The following FBXW7 variants were observed in gnomAD, a reference collection of about 807,000 sequenced individuals.
FBXW7 encodes the protein F-box and WD repeat domain containing 7.
Under a neutral mutation model 86.3 loss-of-function variants are expected in FBXW7, and 11 were observed. That is an observed-to-expected ratio of 0.13 (90% confidence interval 0.08 to 0.21). The LOEUF (loss-of-function observed/expected upper bound fraction) is 0.21. Among genes scored for constraint, FBXW7 ranks in the 10% least tolerant of loss-of-function variants. The pLI is 1.00. For missense variants in FBXW7, 488 were observed against 847.4 expected (o/e 0.58, Z 5.27); for synonymous variants, 313 against 297.9 (o/e 1.05, Z -0.52).
At chr4:152,500,407 CCAAATGCAAAAG>C (rs1207244993) in intron 2 of FBXW7, among the ~76,000 whole-genome samples, 1 of 148,706 alleles carries the variant, frequency 6.7e-6, no homozygotes, top group Non-Finnish European at 1.5e-5. Context: ...ATACATTCAG[CCAAATGCAAAAG>C]CATGTTTCTT....
intron 4 of FBXW7, among the ~76,000 whole-genome samples, chr4:152,381,969 G>T (rs933438019): frequency 6.6e-6 from 1 of 152,030 alleles, no homozygotes; most frequent in Non-Finnish European, 1.5e-5. Flanking sequence ...CTAATTTCAT[G>T]AAAAATAAAT....
chr4:152,381,194 A>C (rs535786755), intron 4 of FBXW7, among the ~76,000 whole-genome samples: 1 of 152,248 alleles, frequency 6.6e-6, no homozygotes, highest in African/African-American at 2.4e-5. Flanking sequence ...TATGAAGGTT[A>C]AGTTCCAGCA....
chr4:152,361,910 G>A (rs563492660), intron 4 of FBXW7, among the ~76,000 whole-genome samples: 1 of 144,198 alleles, frequency 6.9e-6, no homozygotes, highest in African/African-American at 2.6e-5. Flanking sequence ...AGGGTGCAGT[G>A]AGCCGAGATT....
At chr4:152,482,547 G>GT (rs1278472783) in intron 2 of FBXW7, among the ~76,000 whole-genome samples, 2 of 152,000 alleles carry the variant, frequency 1.3e-5, no homozygotes, top group Admixed American at 1.3e-4. Flanking sequence ...CTTGCTGTGT[G>GT]TTTTCCTAAG....
At position 152,411,687 on chromosome 4, in the gene FBXW7, C is replaced by T. The variant is rs750669133; in HGVS notation, c.117G>A (p.Glu39=). 1.4e-5 allele frequency: 23 copies of T among 1,613,702 alleles called. No individual in the cohort carries two copies. The Admixed American group carries it at 3.5e-4, about 25-fold the overall frequency. ...GTTGTCTGAGTTGCTGTTGCTGTTC[C>T]TCCTCTACCACACGATTCATCTGTT... ...DEEQMNRVVE[E]EQQQQLRQQE... The change falls in exon 4 of 14, where the codon GAG becomes GAA. Residue 39 remains glutamate (E), a synonymous_variant. Transcript: ENST00000281708.
At chr4:152,454,251 GC>G (rs36064556) in intron 2 of FBXW7, among the ~76,000 whole-genome samples, 2,730 of 100,066 alleles carry the variant, frequency 0.027, 53 homozygotes, top group East Asian at 0.13. Flanking sequence ...AACTCTCTAA[GC>G]CCCCCCCCCC....
rs753468896 is a variant in FBXW7 at position 152,497,343 on chromosome 4, CCACACA to C, written c.-120+37592_-120+37597del. On this transcript the variant is annotated intron_variant, in intron 2 of 13. Transcript: ENST00000281708. Reference sequence around the variant, plus strand: ...TCTCAAAAAAAAAAAAAAAAAAAAACCACACACACACACACACACACACACACACAC... The same window carrying C: ...TCTCAAAAAAAAAAAAAAAAAAAAACCACACACACACACACACACACACAC... 6.4e-3 allele frequency among the ~76,000 whole-genome samples: 559 copies of C among 86,946 alleles called. 6 individuals are homozygous for C. The highest frequency in any genetic ancestry group is 0.021 in the African/African-American group (453 of 22,076). The allele number at this position is 86,946 out of a possible 152,430, so 57.0% of individuals were successfully genotyped here.
chr4:152,464,649 A>G (rs1743243943), intron 2 of FBXW7, among the ~76,000 whole-genome samples: 1 of 152,240 alleles, frequency 6.6e-6, no homozygotes, highest in African/African-American at 2.4e-5. Flanking sequence ...CAGCACATGA[A>G]GAGGAAACAA....
At chr4:152,461,089 A>T (rs1295770413) in intron 2 of FBXW7, among the ~76,000 whole-genome samples, 1 of 152,162 alleles carries the variant, frequency 6.6e-6, no homozygotes, top group Non-Finnish European at 1.5e-5. Flanking sequence ...GTTCAAGACC[A>T]GCCTGGCCAA....
chr4:152,455,966 G>A (rs1742364551), intron 2 of FBXW7, among the ~76,000 whole-genome samples: 1 of 152,046 alleles, frequency 6.6e-6, no homozygotes, highest in African/African-American at 2.4e-5. Context: ...CATATATACA[G>A]CTTTTGGAAA....
intron 4 of FBXW7, among the ~76,000 whole-genome samples, chr4:152,372,922 C>T (rs1466405565): frequency 6.6e-6 from 1 of 151,952 alleles, no homozygotes; most frequent in Non-Finnish European, 1.5e-5. Context: ...CAACCCAATA[C>T]TAAAACATCA....
At chr4:152,532,147 C>CTA (rs1234267053) in intron 2 of FBXW7, among the ~76,000 whole-genome samples, 1 of 152,184 alleles carries the variant, frequency 6.6e-6, no homozygotes, top group East Asian at 1.9e-4. Context: ...ACCTGCTAAA[C>CTA]TATTTTGCTG....
At chr4:152,366,227 A>G (rs1171690905) in intron 4 of FBXW7, among the ~76,000 whole-genome samples, 3 of 152,200 alleles carry the variant, frequency 2.0e-5, no homozygotes, top group Non-Finnish European at 2.9e-5. Context: ...GCATTTCTAC[A>G]TATTTATCAG....
intron 2 of FBXW7, among the ~76,000 whole-genome samples, chr4:152,481,898 T>C (rs1321396713): frequency 1.3e-5 from 2 of 152,214 alleles, no homozygotes; most frequent in African/African-American, 4.8e-5. Flanking sequence ...GAAGATGCTG[T>C]GAACATCATT....
At chr4:152,420,765 G>A (rs1221760526) in intron 2 of FBXW7, among the ~76,000 whole-genome samples, 2 of 152,000 alleles carry the variant, frequency 1.3e-5, no homozygotes, top group Non-Finnish European at 2.9e-5. Flanking sequence ...CTCAAGAGTG[G>A]GCTTAACATA....
chr4:152,518,198 A>G (rs1027824048), intron 2 of FBXW7, among the ~76,000 whole-genome samples: 1 of 152,054 alleles, frequency 6.6e-6, no homozygotes, highest in Non-Finnish European at 1.5e-5. Flanking sequence ...CATGCCAGCC[A>G]GGCTGGTCTG....
intron 4 of FBXW7, chr4:152,352,604 T>C (rs369627847): frequency 1.9e-6 from 3 of 1,613,792 alleles, no homozygotes; most frequent in Non-Finnish European, 2.5e-6. Flanking sequence ...GGTAGGTATG[T>C]CACAGATTCT....
chr4:152,353,799 C>T (rs1449541712), intron 4 of FBXW7, among the ~76,000 whole-genome samples: 2 of 152,180 alleles, frequency 1.3e-5, no homozygotes, highest in Admixed American at 6.5e-5. Context: ...CAACTTCCTT[C>T]ACAACTACCT....
At chr4:152,323,296 T>G (rs776141028) in intron 13 of FBXW7, 147 bp from the exon 14 acceptor site, 17 of 959,170 alleles carry the variant, frequency 1.8e-5, no homozygotes, top group Non-Finnish European at 2.6e-5. Flanking sequence ...GTCCTCAGTA[T>G]TTTAGGATCA....
Sources: gnomAD v4.1 joint callset for allele counts (sites outside exome capture counted in the v4.1 genomes callset) on GRCh38, gnomAD v4.1.1 for gene constraint, MANE v1.5 for transcripts, NCBI Gene and HGNC (gene_info 2026-07-23, HGNC 2026-07-21) for gene names.